SLCO3A1: variants seen among roughly 807,000 people sequenced by gnomAD.
The protein encoded by SLCO3A1 is solute carrier organic anion transporter family member 3A1, also known as PGE1 transporter.
SLCO3A1 carries 27 observed loss-of-function variants against 63.1 expected under a neutral mutation model. The ratio of observed to expected loss-of-function variants is 0.43; its 90% confidence interval spans 0.32 to 0.59. The LOEUF is 0.59. Among genes scored for constraint, SLCO3A1 ranks in the 20% least tolerant of loss-of-function variants. The pLI is 0.09. For synonymous variants in SLCO3A1, 473 were observed against 409.9 expected, an observed-to-expected ratio of 1.15 and a Z score of -1.86; for missense variants, 773 against 945.8, an observed-to-expected ratio of 0.82 and a Z score of 2.40.
At chr15:92,166,776 G>A (rs954096470), downstream of SLCO3A1, among the ~76,000 whole-genome samples, 2 of 152,198 alleles carry the variant, frequency 1.3e-5, no homozygotes, top group Non-Finnish European at 2.9e-5. Context: ...ATAGATACAT[G>A]TACTAAAATA....
chr15:92,094,458 A>G (rs566302748), intron 2 of SLCO3A1, among the ~76,000 whole-genome samples: 1 of 152,374 alleles, frequency 6.6e-6, no homozygotes, highest in East Asian at 1.9e-4. Context: ...AAAATTCTTG[A>G]GTTTGCACAG....
At chr15:92,151,598 C>T (rs948706587) in intron 9 of SLCO3A1, among the ~76,000 whole-genome samples, 10 of 152,196 alleles carry the variant, frequency 6.6e-5, no homozygotes, top group Non-Finnish European at 1.3e-4. Flanking sequence ...GTCCATGGTT[C>T]ACCACCCAAG....
intron 10 of SLCO3A1, chr15:92,171,739 C>G (rs1413193983): frequency 7.2e-7 from 1 of 1,379,446 alleles, no homozygotes; most frequent in African/African-American, 1.4e-5. Flanking sequence ...AAAGACCGAT[C>G]TCTTTTTCCT....
chr15:91,944,676 C>A (rs146896712), intron 2 of SLCO3A1, among the ~76,000 whole-genome samples: 1 of 152,098 alleles, frequency 6.6e-6, no homozygotes, highest in Non-Finnish European at 1.5e-5. Flanking sequence ...CACTCTCCCC[C>A]GAGATGCTTT....
chr15:92,036,002 AAC>A (rs2046721045), intron 2 of SLCO3A1, among the ~76,000 whole-genome samples: 1 of 146,850 alleles, frequency 6.8e-6, no homozygotes, highest in African/African-American at 2.4e-5. Flanking sequence ...TTTCTGCCAA[AAC>A]ACTGTCTCTT....
Position 92,165,679 on chromosome 15 carries a change from T to C in SLCO3A1, c.*2544T>C. 1 of 985,368 alleles carries C rather than the reference T, an allele frequency of 1.0e-6. No homozygotes were observed. The highest frequency in any genetic ancestry group is 1.2e-6 in the Non-Finnish European group (1 of 829,870). The allele number at this position is 985,368 out of a possible 1,614,324, so 61.0% of individuals were successfully genotyped here. On this transcript the variant is annotated 3_prime_UTR_variant, in exon 10 of 10. Transcript: ENST00000318445. Reference sequence around the variant, plus strand: ...GTTGCAGGATGGCTCTGAATTCTGTTGTGTCGTCTTTTAAAATTTTAATTA... The same window carrying C: ...GTTGCAGGATGGCTCTGAATTCTGTCGTGTCGTCTTTTAAAATTTTAATTA...
chr15:92,016,251 A>AGATAGATAGATAGATT (rs1416143953), intron 2 of SLCO3A1, among the ~76,000 whole-genome samples: 5 of 52,198 alleles, frequency 9.6e-5, no homozygotes, highest in East Asian at 2.3e-3. Context: ...ATAGATAGAT[A>AGATAGATAGATAGATT]GATTAGATAG....
chr15:92,132,619 G>A (rs201161277), intron 7 of SLCO3A1, among the ~76,000 whole-genome samples: 47 of 136,490 alleles, frequency 3.4e-4, no homozygotes, highest in Admixed American at 2.9e-4. Flanking sequence ...TAATTGAATA[G>A]AAAAAAAAAA....
At chr15:92,057,755 G>A (rs1344223069) in intron 2 of SLCO3A1, among the ~76,000 whole-genome samples, 2 of 152,224 alleles carry the variant, frequency 1.3e-5, no homozygotes, top group Non-Finnish European at 2.9e-5. Context: ...TGCATGAGCT[G>A]TCAGAGCCAT....
chr15:92,048,766 C>A (rs935476195), intron 2 of SLCO3A1, among the ~76,000 whole-genome samples: 1 of 152,096 alleles, frequency 6.6e-6, no homozygotes, highest in Non-Finnish European at 1.5e-5. Flanking sequence ...AGGCTAGTGG[C>A]GGGCACCTGT....
intron 2 of SLCO3A1, among the ~76,000 whole-genome samples, chr15:91,973,074 C>G (rs1414862852): frequency 2.0e-5 from 3 of 152,194 alleles, no homozygotes; most frequent in Non-Finnish European, 4.4e-5. Flanking sequence ...GAGATCACGC[C>G]ATTGCACTCC....
At chr15:91,944,106 T>C (rs555485873) in intron 2 of SLCO3A1, among the ~76,000 whole-genome samples, 85 of 152,326 alleles carry the variant, frequency 5.6e-4, no homozygotes, top group African/African-American at 2.0e-3. Flanking sequence ...TGTACCTCAG[T>C]TTCCTTCATC....
In SLCO3A1 at chr15:91,906,477, A is replaced by G. The variant is rs59890346; in HGVS notation, c.181-9516A>G. Among the ~76,000 whole-genome samples the G allele has an allele frequency of 7.4e-3, 1,133 of 152,346 alleles. 81 individuals are homozygous for G. The East Asian group carries it at 0.17, about 23-fold the overall frequency. ...ACAGCTTTGCAATAAAGGATTTTCA[A>G]TGCATTTGACAGGAAGCCGGGGCCC... On this transcript the variant is annotated intron_variant, in intron 1 of 9. Transcript: ENST00000318445.
At chr15:91,915,134 C>T (rs1898611186) in intron 1 of SLCO3A1, among the ~76,000 whole-genome samples, 2 of 152,254 alleles carry the variant, frequency 1.3e-5, no homozygotes, top group African/African-American at 4.8e-5. Context: ...AGGTCTGCAT[C>T]ACACATCTCA....
At chr15:92,070,783 A>G (rs891729761) in intron 2 of SLCO3A1, among the ~76,000 whole-genome samples, 3 of 152,170 alleles carry the variant, frequency 2.0e-5, no homozygotes, top group African/African-American at 7.2e-5. Context: ...AGTGAGAGGT[A>G]TCTGTGCCTT....
intron 2 of SLCO3A1, among the ~76,000 whole-genome samples, chr15:92,084,769 C>T (rs1465847461): frequency 1.3e-5 from 2 of 152,214 alleles, no homozygotes; most frequent in African/African-American, 2.4e-5. Context: ...AGCCATGCCC[C>T]ATGCTACACT....
At chr15:91,997,983 A>G (rs976729787) in intron 2 of SLCO3A1, among the ~76,000 whole-genome samples, 1 of 152,262 alleles carries the variant, frequency 6.6e-6, no homozygotes, top group Non-Finnish European at 1.5e-5. Flanking sequence ...CATCAAAAGC[A>G]ATTGAAACAA....
intron 2 of SLCO3A1, among the ~76,000 whole-genome samples, chr15:91,945,416 C>T (rs959834771): frequency 5.3e-5 from 8 of 151,838 alleles, no homozygotes; most frequent in Non-Finnish European, 1.2e-4. Flanking sequence ...AGATAAGGAC[C>T]CTGGCCTCGT....
intron 2 of SLCO3A1, among the ~76,000 whole-genome samples, chr15:91,939,890 A>G (rs954480744): frequency 2.0e-5 from 3 of 152,128 alleles, no homozygotes; most frequent in Admixed American, 6.5e-5. Flanking sequence ...CCCACGGGCC[A>G]GACACTGGTT....
Sources: allele counts gnomAD v4.1 joint callset (sites outside exome capture counted in the v4.1 genomes callset), GRCh38; gene constraint gnomAD v4.1.1; transcripts MANE v1.5; gene names NCBI Gene and HGNC (gene_info 2026-07-23, HGNC 2026-07-21).